The following CPQ variants were observed in gnomAD, a reference collection of about 807,000 sequenced individuals.
CPQ encodes the protein carboxypeptidase Q, also known as Ser-Met dipeptidase.
A neutral mutation model predicts 45.7 loss-of-function variants in CPQ; 37 were observed. That is an observed-to-expected ratio of 0.81 (90% CI 0.62 to 1.07). CPQ has a LOEUF of 1.07. CPQ is among the 50% of genes least tolerant of loss of function. The probability of loss-of-function intolerance (pLI) is 0.00; values close to 1 mark genes in which losing one functional copy is unlikely to be tolerated. For synonymous variants in CPQ, 186 were observed against 205.8 expected (o/e 0.90, Z 0.82); for missense variants, 537 against 572.9 (o/e 0.94, Z 0.64).
chr8:96,861,515 C>T (rs950799386), intron 3 of CPQ, among the ~76,000 whole-genome samples: 4 of 152,054 alleles, frequency 2.6e-5, no homozygotes, highest in African/African-American at 7.2e-5. Flanking sequence ...AAGTACATGA[C>T]GAGGATGTCA....
intron 1 of CPQ, among the ~76,000 whole-genome samples, chr8:96,724,090 T>C (rs1809800743): frequency 6.6e-6 from 1 of 151,994 alleles, no homozygotes; most frequent in Non-Finnish European, 1.5e-5. Context: ...ATGTTTCTAT[T>C]TGCTTGCTTT....
chr8:96,769,825 A>G (rs1668465524), intron 1 of CPQ, among the ~76,000 whole-genome samples: 1 of 151,750 alleles, frequency 6.6e-6, no homozygotes, highest in Non-Finnish European at 1.5e-5. Context: ...GGGGGTGGGT[A>G]GAGATGGGGT....
At chr8:96,787,525 C>CTTGTTTTTTTTTT (rs1810784618) in intron 2 of CPQ, among the ~76,000 whole-genome samples, 1 of 47,594 alleles carries the variant, frequency 2.1e-5, no homozygotes, top group Non-Finnish European at 3.7e-5. Flanking sequence ...CTTATAATGT[C>CTTGTTTTTTTTTT]TTTTTTTTTT....
At chr8:97,036,070 T>A (rs1809999260) in intron 6 of CPQ, among the ~76,000 whole-genome samples, 1 of 152,190 alleles carries the variant, frequency 6.6e-6, no homozygotes, top group South Asian at 2.1e-4. Context: ...AAGGCCTTTT[T>A]ACCCTGCATG....
intron 6 of CPQ, among the ~76,000 whole-genome samples, chr8:97,044,853 TCA>T (rs1206059391): frequency 2.0e-5 from 3 of 152,156 alleles, no homozygotes; most frequent in Non-Finnish European, 4.4e-5. Flanking sequence ...AATTTTTGTC[TCA>T]GAGGAGTACC....
At chr8:96,836,532 A>G (rs1240102515) in intron 3 of CPQ, among the ~76,000 whole-genome samples, 1 of 152,130 alleles carries the variant, frequency 6.6e-6, no homozygotes, top group Non-Finnish European at 1.5e-5. Context: ...ATTCTTTTGG[A>G]TGATTAAGCT....
At chr8:96,913,138 G>C (rs1812690792) in intron 4 of CPQ, among the ~76,000 whole-genome samples, 1 of 152,182 alleles carries the variant, frequency 6.6e-6, no homozygotes, top group Non-Finnish European at 1.5e-5. Context: ...GATAAGAAGA[G>C]GAATCCTTTA....
intron 7 of CPQ, among the ~76,000 whole-genome samples, chr8:97,139,977 A>C (rs969177799): frequency 6.6e-6 from 1 of 151,306 alleles, no homozygotes; most frequent in African/African-American, 2.4e-5. Flanking sequence ...TTTTCTTCAA[A>C]TTATTAATAA....
chr8:97,121,510 G>A (rs955168109), intron 7 of CPQ, among the ~76,000 whole-genome samples: 2 of 152,106 alleles, frequency 1.3e-5, no homozygotes, highest in East Asian at 1.9e-4. Context: ...AGACTTGAAA[G>A]GATCAAGTAC....
chr8:96,829,483 C>G (rs1191586811), intron 2 of CPQ, among the ~76,000 whole-genome samples: 2 of 152,018 alleles, frequency 1.3e-5, no homozygotes, highest in African/African-American at 2.4e-5. Context: ...AGATGGAGGT[C>G]CATAAATACC....
intron 1 of CPQ, among the ~76,000 whole-genome samples, chr8:96,678,764 T>TC (rs1809109296): frequency 6.6e-6 from 1 of 150,706 alleles, no homozygotes; most frequent in Non-Finnish European, 1.5e-5. Context: ...TGGGCTTTTT[T>TC]TTTTTTTTTT....
chr8:96,827,219 T>C (rs1811391710), intron 2 of CPQ, among the ~76,000 whole-genome samples: 1 of 151,998 alleles, frequency 6.6e-6, no homozygotes, highest in Admixed American at 6.6e-5. Context: ...CATAGGTCTG[T>C]TTTGGACAGG....
chr8:96,678,860 T>C (rs968941586), intron 1 of CPQ, among the ~76,000 whole-genome samples: 11 of 151,286 alleles, frequency 7.3e-5, no homozygotes, highest in African/African-American at 2.7e-4. Context: ...TCTCTCATAC[T>C]GCAGGTTGTC....
intron 4 of CPQ, among the ~76,000 whole-genome samples, chr8:96,956,811 G>T (rs1315107006): frequency 1.3e-5 from 2 of 152,144 alleles, no homozygotes; most frequent in Non-Finnish European, 2.9e-5. Flanking sequence ...TGGAAATTTG[G>T]CTTGTTTCCT....
intron 1 of CPQ, among the ~76,000 whole-genome samples, chr8:96,646,718 A>C (rs904638606): frequency 6.6e-6 from 1 of 152,230 alleles, no homozygotes; most frequent in African/African-American, 2.4e-5. Flanking sequence ...ATGTTTAGCT[A>C]GGAACCCTGC....
At chr8:96,764,199 G>T (rs533213730) in intron 1 of CPQ, among the ~76,000 whole-genome samples, 1 of 152,226 alleles carries the variant, frequency 6.6e-6, no homozygotes, top group Non-Finnish European at 1.5e-5. Context: ...CAATAAAAAA[G>T]AATGAACTAT....
chr8:96,952,841 A>T (rs910615106), intron 4 of CPQ, among the ~76,000 whole-genome samples: 2 of 152,174 alleles, frequency 1.3e-5, no homozygotes, highest in Non-Finnish European at 2.9e-5. Flanking sequence ...TAGAAATAAC[A>T]GTCCATCATG....
intron 3 of CPQ, among the ~76,000 whole-genome samples, chr8:96,838,204 T>G (rs7016328): frequency 0.027 from 4,113 of 152,270 alleles, 175 homozygotes; most frequent in African/African-American, 0.092. Context: ...TAGTTTTGGT[T>G]CGTGCTTTGG....
intron 7 of CPQ, among the ~76,000 whole-genome samples, chr8:97,075,751 T>G (rs1411028580): frequency 1.3e-5 from 2 of 152,152 alleles, no homozygotes; most frequent in Non-Finnish European, 2.9e-5. Context: ...TGAAGTGATT[T>G]TAAAGTGTGA....
Sources: gnomAD v4.1 joint callset for allele counts (sites outside exome capture counted in the v4.1 genomes callset) on GRCh38, gnomAD v4.1.1 for gene constraint, MANE v1.5 for transcripts, NCBI Gene and HGNC (gene_info 2026-07-23, HGNC 2026-07-21) for gene names.